Variants in DEAF1 observed in about 807,000 individuals in gnomAD.
DEAF1 encodes DEAF1 transcription factor, also known as deformed epidermal autoregulatory factor 1 homolog.
In DEAF1, 53 loss-of-function variants were observed where a neutral mutation model predicts 58.9. The ratio of observed to expected loss-of-function variants is 0.90; its 90% CI spans 0.72 to 1.13. The LOEUF (loss-of-function observed/expected upper bound fraction) is 1.13. Among genes scored for constraint, DEAF1 ranks in the 50% most tolerant of loss-of-function variants. The pLI, the probability that DEAF1 is intolerant of heterozygous loss-of-function variation, is 0.00. For synonymous variants in DEAF1, 385 were observed against 340.4 expected (o/e 1.13, Z -1.44); for missense variants, 685 against 791.4 (o/e 0.87, Z 1.61).
chr11:702,226 G>A (rs368345755), intron 1 of DEAF1, among the ~76,000 whole-genome samples: 28 of 152,348 alleles, frequency 1.8e-4, no homozygotes, highest in African/African-American at 4.3e-4. Context: ...AGGGGTGCCC[G>A]GCCGTCAGTG....
intron 9 of DEAF1, among the ~76,000 whole-genome samples, chr11:676,348 T>C (rs1404502694): frequency 1.1e-5 from 1 of 87,198 alleles, no homozygotes; most frequent in Admixed American, 1.4e-4. Context: ...CCCCAGCACC[T>C]GACATCCCCG....
At chr11:695,768 C>G (rs1486436103), upstream of DEAF1, 2 of 1,238,062 alleles carry the variant, frequency 1.6e-6, no homozygotes, top group East Asian at 3.2e-5. Flanking sequence ...CGAAGGAGCG[C>G]GAGCGCGCGG....
chr11:653,966 C>T lies in DEAF1; in HGVS notation c.1589G>A (p.Arg530His), dbSNP rs552504630. Residue 530 changes from arginine to histidine, a missense_variant, in exon 11 of 12, where the codon CGC (arginine) becomes CAC (histidine). Transcript: ENST00000382409. ...CCTGGTGTAGGTGAGACCTACCTTGCGTTGGCAGAAGGTGGAGCAGTAGTT... is the reference window on the plus strand; with the variant it reads ...CCTGGTGTAGGTGAGACCTACCTTGTGTTGGCAGAAGGTGGAGCAGTAGTT... ...KVNYCSTFCQRKDWKDHQHIC... is the reference protein window; with the variant it reads ...KVNYCSTFCQHKDWKDHQHIC... The T allele has an allele frequency of 6.8e-6, 11 of 1,613,710 alleles. No homozygotes were observed. The South Asian group carries it at 8.8e-5, about 13-fold the overall frequency.
intron 10 of DEAF1, chr11:666,541 C>G (rs1380564385): frequency 6.6e-6 from 1 of 151,948 alleles, no homozygotes; most frequent in African/African-American, 2.4e-5. Flanking sequence ...TCCTCTCTAC[C>G]AAAAATACAG....
At position 695,137 on chromosome 11, in the gene DEAF1, C is replaced by A; in HGVS notation, c.-90G>T. 1 of 1,200,976 alleles carries A rather than the reference C, an allele frequency of 8.3e-7. No homozygotes were observed. The highest frequency in any genetic ancestry group is 1.1e-6 in the Non-Finnish European group (1 of 924,508). The allele number at this position is 1,200,976 out of a possible 1,614,324, so 74.4% of individuals were successfully genotyped here. ...CCGAAGCGGGGCCCGAAGAGGACGC[C>A]CGAGCTGGGCCGAGGCCGCCCGAAG... On this transcript the variant is annotated 5_prime_UTR_variant, in exon 1 of 12. Transcript: ENST00000382409.
chr11:686,814 C>T (rs768980637), intron 5 of DEAF1, 44 bp downstream of exon 5: 84 of 1,612,870 alleles, frequency 5.2e-5, no homozygotes, highest in Non-Finnish European at 6.8e-5. Context: ...GAGGGCCCCA[C>T]GTCTGAACTG....
intron 9 of DEAF1, among the ~76,000 whole-genome samples, chr11:676,723 C>T (rs765019501): frequency 3.9e-5 from 6 of 152,114 alleles, no homozygotes; most frequent in Admixed American, 6.6e-5. Flanking sequence ...AGGCTGGTCT[C>T]GGACTCCTGA....
intron 10 of DEAF1, among the ~76,000 whole-genome samples, chr11:666,916 T>C (rs1295106406): frequency 6.7e-6 from 1 of 148,390 alleles, no homozygotes; most frequent in Non-Finnish European, 1.5e-5. Flanking sequence ...GAAATAGTTA[T>C]AGCCAGGAGC....
At chr11:658,213 G>C (rs1383707481) in intron 10 of DEAF1, among the ~76,000 whole-genome samples, 1 of 152,322 alleles carries the variant, frequency 6.6e-6, no homozygotes, top group African/African-American at 2.4e-5. Flanking sequence ...CGGATCACGA[G>C]GTCAGGAGAT....
At chr11:699,815 A>G, upstream of DEAF1, 1 of 282,898 alleles carries the variant, frequency 3.5e-6, no homozygotes, top group Non-Finnish European at 6.6e-6. Flanking sequence ...GGCCAAAGGC[A>G]GGGTGACATC....
In DEAF1 at chr11:695,012, G is replaced by A; in HGVS notation, c.36C>T (p.Gly12=). 7.2e-7 allele frequency: 1 copy of A among 1,388,340 alleles called. No individual in the cohort carries two copies. Among genetic ancestry groups the A allele is most frequent in the Non-Finnish European group, 9.4e-7 (1 of 1,066,944 alleles). 86.0% of individuals were successfully genotyped at this position (1,388,340 alleles called of 1,614,324 possible). A position where few individuals can be genotyped will look rare whatever the true frequency, so the allele number is the denominator to read the frequency against. Residue 12 remains glycine, a synonymous_variant, in exon 1 of 12, where the codon GGC becomes GGT. Coordinates refer to ENST00000382409, the MANE Select transcript of DEAF1 (RefSeq NM_021008.4). ...EDSDSAAKQL[G]LAEAAAVAAA... is the part of the protein sequence containing the mutation. ...CCGCCACCGCCGCCGCCTCAGCCAGGCCCAGCTGCTTTGCCGCCGAGTCCG... is the reference window on the plus strand; with the variant it reads ...CCGCCACCGCCGCCGCCTCAGCCAGACCCAGCTGCTTTGCCGCCGAGTCCG...
At chr11:653,707 G>A (rs1036643982) in intron 11 of DEAF1, among the ~76,000 whole-genome samples, 1 of 152,194 alleles carries the variant, frequency 6.6e-6, no homozygotes, top group African/African-American at 2.4e-5. Flanking sequence ...GGGCTGGGAA[G>A]CACTGACCAG....
intron 9 of DEAF1, among the ~76,000 whole-genome samples, chr11:677,683 G>A (rs1797519979): frequency 9.5e-6 from 1 of 105,106 alleles, no homozygotes; most frequent in African/African-American, 2.9e-5. Context: ...GGCTGGGCAC[G>A]ATGGCTCACG....
At chr11:680,153 C>G in intron 7 of DEAF1, 1 of 360,316 alleles carries the variant, frequency 2.8e-6, no homozygotes, top group Non-Finnish European at 5.3e-6. Context: ...AAGAAAAAAT[C>G]TTTAATCCAA....
At chr11:647,218 G>A (rs1015932614) in intron 11 of DEAF1, among the ~76,000 whole-genome samples, 1 of 152,034 alleles carries the variant, frequency 6.6e-6, no homozygotes, top group Admixed American at 6.6e-5. Context: ...CACTTTGGGA[G>A]GCCAAGGCAG....
At chr11:687,821 C>T (rs1291945569) in intron 4 of DEAF1, 90 bp downstream of exon 4, 2 of 1,560,556 alleles carry the variant, frequency 1.3e-6, no homozygotes, top group Admixed American at 1.7e-5. Flanking sequence ...GTTCTAGGTG[C>T]CATGATTTTC....
At chr11:646,985 A>C (rs1163063040) in intron 11 of DEAF1, among the ~76,000 whole-genome samples, 5 of 106,926 alleles carry the variant, frequency 4.7e-5, no homozygotes, top group Non-Finnish European at 1.0e-4. Flanking sequence ...CCCTATCTCT[A>C]TAAAAAAAAA....
At chr11:654,703 T>C (rs1455718311) in intron 10 of DEAF1, 1 of 441,704 alleles carries the variant, frequency 2.3e-6, no homozygotes, top group Non-Finnish European at 4.6e-6. Context: ...ACCCAGTCTC[T>C]ACTAAAAATA....
upstream of DEAF1, chr11:695,294 C>T (rs1025381241): frequency 2.2e-6 from 1 of 463,406 alleles, no homozygotes; most frequent in Non-Finnish European, 3.8e-6. Context: ...GCCGCCGAGC[C>T]GAGACCGAGT....
Sources: allele counts gnomAD v4.1 joint callset (sites outside exome capture counted in the v4.1 genomes callset), GRCh38; gene constraint gnomAD v4.1.1; transcripts MANE v1.5; gene names NCBI Gene and HGNC (gene_info 2026-07-23, HGNC 2026-07-21).